Variants in SPAG16 observed in about 807,000 individuals in gnomAD.
SPAG16 encodes sperm associated antigen 16.
Under a neutral mutation model 80.4 loss-of-function variants are expected in SPAG16, and 86 were observed. That is an observed-to-expected ratio of 1.07 (90% CI 0.90 to 1.28). The LOEUF is 1.28. Ranked by LOEUF, SPAG16 falls within the 50% of genes most tolerant of loss-of-function variation. The pLI, the probability that SPAG16 is intolerant of heterozygous loss-of-function variation, is 0.00. For synonymous variants in SPAG16, 294 were observed against 265.9 expected, an observed-to-expected ratio of 1.11 and a Z score of -1.03; for missense variants, 870 against 765.3, an observed-to-expected ratio of 1.14 and a Z score of -1.61.
chr2:213,640,294 G>A (rs1233249684), intron 10 of SPAG16, among the ~76,000 whole-genome samples: 1 of 152,180 alleles, frequency 6.6e-6, no homozygotes, highest in African/African-American at 2.4e-5. Flanking sequence ...GAACTAGTGT[G>A]ATCTTCTGGA....
At position 214,075,650 on chromosome 2, in the gene SPAG16, A is replaced by G. The variant is rs147326059; in HGVS notation, c.1528-32546A>G. On this transcript the variant is annotated intron_variant, in intron 13 of 15. Coordinates refer to ENST00000331683, the MANE Select transcript of SPAG16 (RefSeq NM_024532.5). ...CTTCATATCCTCAGGGGAATAATGAACCATACGTCCTTAACACAGAGGCGA... is the reference window on the plus strand; with the variant it reads ...CTTCATATCCTCAGGGGAATAATGAGCCATACGTCCTTAACACAGAGGCGA... Among the ~76,000 whole-genome samples, 171 of 152,302 alleles carry G rather than the reference A, an allele frequency of 1.1e-3. 1 individual carries two copies. The highest frequency in any genetic ancestry group is 4.0e-3 in the African/African-American group (167 of 41,566).
At position 213,350,619 on chromosome 2, in the gene SPAG16, T is replaced by G; in HGVS notation, c.736T>G (p.Leu246Val). The G allele has an allele frequency of 6.2e-7, 1 of 1,600,672 alleles. No homozygotes were observed. Among genetic ancestry groups the G allele is most frequent in the Non-Finnish European group, 8.5e-7 (1 of 1,175,414 alleles). ...ACTGAAGGAGAAAATGCTGACCTCC[T>G]TGGAAAGAGACAAAGTAGTTGGGCA... ...TLLKEKMLTS[L>V]ERDKVVGQIS... The change falls in exon 7 of 16, where the codon TTG becomes GTG. Residue 246 changes from leucine (L) to valine (V), a missense_variant. By Grantham distance (32) the Leu-to-Val change is conservative (BLOSUM62 1). Transcript: ENST00000331683.
chr2:213,776,699 C>G lies in SPAG16; in HGVS notation c.1071-85786C>G, dbSNP rs186201987. ...GTTTTATAAGAAATAAAATAGAAAG[C>G]TGGAAAAGACATTGACTTTTTTACA... is the stretch of plus-strand genomic sequence containing the variant. On this transcript the variant is annotated intron_variant, in intron 10 of 15. Coordinates refer to ENST00000331683, the MANE Select transcript of SPAG16 (RefSeq NM_024532.5). Among the ~76,000 whole-genome samples the G allele has an allele frequency of 8.9e-4, 135 of 151,762 alleles. 2 individuals carry two copies. Among genetic ancestry groups the G allele is most frequent in the Admixed American group, 7.9e-3 (120 of 15,234 alleles).
At chr2:213,746,529 G>T (rs1322375723) in intron 10 of SPAG16, among the ~76,000 whole-genome samples, 1 of 152,184 alleles carries the variant, frequency 6.6e-6, no homozygotes, top group Non-Finnish European at 1.5e-5. Flanking sequence ...GCACAGTCCG[G>T]GTGCGGTGGC....
chr2:213,841,197 C>A (rs140611702), intron 10 of SPAG16, among the ~76,000 whole-genome samples: 1 of 151,938 alleles, frequency 6.6e-6, no homozygotes. Context: ...ATGTCACAAC[C>A]CACCCCTAAA....
At chr2:213,617,234 A>G (rs1028500986) in intron 10 of SPAG16, among the ~76,000 whole-genome samples, 8 of 152,202 alleles carry the variant, frequency 5.3e-5, no homozygotes, top group Non-Finnish European at 8.8e-5. Context: ...CCTAGTCTGG[A>G]AGGGCCCTTC....
chr2:213,592,657 ATCT>A (rs1288184999), intron 10 of SPAG16, among the ~76,000 whole-genome samples: 1 of 152,232 alleles, frequency 6.6e-6, no homozygotes, highest in Non-Finnish European at 1.5e-5. Context: ...TCACAGGAAC[ATCT>A]TCATTTGAAG....
chr2:213,523,716 C>T (rs1331181442), intron 10 of SPAG16, among the ~76,000 whole-genome samples: 2 of 152,148 alleles, frequency 1.3e-5, no homozygotes, highest in Admixed American at 1.3e-4. Flanking sequence ...AGATAAGGAA[C>T]TTGGGAACTG....
At chr2:214,128,488 T>C (rs2054603352) in intron 14 of SPAG16, among the ~76,000 whole-genome samples, 1 of 151,852 alleles carries the variant, frequency 6.6e-6, no homozygotes. Flanking sequence ...ACCCTTCTTA[T>C]ATTTACCCTC....
At chr2:213,825,436 G>C (rs1159488610) in intron 10 of SPAG16, among the ~76,000 whole-genome samples, 2 of 152,060 alleles carry the variant, frequency 1.3e-5, no homozygotes, top group Non-Finnish European at 2.9e-5. Context: ...GTCATGAAGA[G>C]ATGTTGAATT....
intron 11 of SPAG16, among the ~76,000 whole-genome samples, chr2:213,888,019 A>G (rs13399247): frequency 0.59 from 90,162 of 151,640 alleles, 28,692 homozygotes; most frequent in South Asian, 0.85. Flanking sequence ...AGCATATATT[A>G]TTTATTTTGC....
chr2:213,637,871 C>T (rs1251900994), intron 10 of SPAG16, among the ~76,000 whole-genome samples: 1 of 152,136 alleles, frequency 6.6e-6, no homozygotes, highest in African/African-American at 2.4e-5. Context: ...ATTCTCCTGG[C>T]TCAGCCTCCT....
intron 15 of SPAG16, among the ~76,000 whole-genome samples, chr2:214,338,805 G>A (rs1006332562): frequency 1.3e-5 from 2 of 152,136 alleles, no homozygotes; most frequent in Admixed American, 6.5e-5. Context: ...ATTCTCCAGT[G>A]CCTCTGTCCC....
intron 9 of SPAG16, among the ~76,000 whole-genome samples, chr2:213,384,702 T>C (rs573540498): frequency 1.9e-4 from 29 of 152,298 alleles, no homozygotes; most frequent in African/African-American, 7.0e-4. Context: ...GTGTGAAAAC[T>C]GGCTAAGATC....
intron 12 of SPAG16, among the ~76,000 whole-genome samples, chr2:213,951,179 A>G (rs1197439013): frequency 6.6e-6 from 1 of 152,130 alleles, no homozygotes; most frequent in Non-Finnish European, 1.5e-5. Flanking sequence ...GGATTTCATA[A>G]TTTAGGAATG....
At chr2:214,029,478 C>T (rs777953457) in intron 13 of SPAG16, among the ~76,000 whole-genome samples, 15 of 151,798 alleles carry the variant, frequency 9.9e-5, no homozygotes, top group Admixed American at 7.2e-4. Context: ...CACTAGTGGG[C>T]GGGGAGAGGG....
intron 15 of SPAG16, among the ~76,000 whole-genome samples, chr2:214,159,557 G>A (rs1469058400): frequency 6.6e-6 from 1 of 151,886 alleles, no homozygotes; most frequent in Non-Finnish European, 1.5e-5. Flanking sequence ...TGGAGATAGA[G>A]CCTGCACAGT....
chr2:213,572,547 C>A (rs2059950558), intron 10 of SPAG16, among the ~76,000 whole-genome samples: 2 of 152,034 alleles, frequency 1.3e-5, no homozygotes, highest in Admixed American at 1.3e-4. Flanking sequence ...AGTTAGGCTG[C>A]TTGGGGGTCA....
chr2:213,782,421 T>C lies in SPAG16; in HGVS notation c.1071-80064T>C, dbSNP rs566912976. On this transcript the variant is annotated intron_variant, in intron 10 of 15. Transcript: ENST00000331683. Reference sequence around the variant, plus strand: ...GCATTTAAGAAGAATTATGTAGTTATAATAGTCGTATAGATATGTAGTACC... The same window carrying C: ...GCATTTAAGAAGAATTATGTAGTTACAATAGTCGTATAGATATGTAGTACC... Among the ~76,000 whole-genome samples, 207 of 152,318 alleles carry C rather than the reference T, an allele frequency of 1.4e-3. 1 individual carries two copies. Among genetic ancestry groups the C allele is most frequent in the Non-Finnish European group, 2.5e-3 (169 of 68,016 alleles).
Sources: allele counts gnomAD v4.1 joint callset (sites outside exome capture counted in the v4.1 genomes callset), GRCh38; gene constraint gnomAD v4.1.1; transcripts MANE v1.5; gene names NCBI Gene and HGNC (gene_info 2026-07-23, HGNC 2026-07-21).